The following DOCK3 variants were observed in gnomAD, a reference collection of about 807,000 sequenced individuals.
DOCK3 encodes the protein dedicator of cytokinesis protein 3.
A neutral mutation model predicts 265.6 loss-of-function variants in DOCK3; 60 were observed. That is an observed-to-expected ratio of 0.23 (90% CI 0.18 to 0.28). The LOEUF (loss-of-function observed/expected upper bound fraction) is 0.28, where lower values mean the gene tolerates loss of function less well. Among genes scored for constraint, DOCK3 ranks in the 10% least tolerant of loss-of-function variants. DOCK3 has a pLI of 1.00. For synonymous variants in DOCK3, 881 were observed against 938.0 expected (o/e 0.94, Z 1.11); for missense variants, 1,981 against 2,594.3 (o/e 0.76, Z 5.14).
intron 5 of DOCK3, among the ~76,000 whole-genome samples, chr3:51,044,193 A>G (rs2080659656): frequency 6.6e-6 from 1 of 152,200 alleles, no homozygotes; most frequent in African/African-American, 2.4e-5. Context: ...TCCATCAGTG[A>G]TAGATTGGAT....
chr3:50,834,674 A>G (rs1421517223), intron 2 of DOCK3, among the ~76,000 whole-genome samples: 1 of 152,226 alleles, frequency 6.6e-6, no homozygotes, highest in African/African-American at 2.4e-5. Flanking sequence ...CAAAGTTTTT[A>G]GACACTTCAT....
intron 27 of DOCK3, among the ~76,000 whole-genome samples, chr3:51,297,672 C>T (rs749360762): frequency 6.6e-6 from 1 of 152,068 alleles, no homozygotes; most frequent in Non-Finnish European, 1.5e-5. Flanking sequence ...GGCATGGTAG[C>T]TCATACCTGT....
chr3:50,880,687 C>G (rs575245484), intron 3 of DOCK3: 1 of 152,410 alleles, frequency 6.6e-6, no homozygotes, highest in South Asian at 2.0e-4. Flanking sequence ...CAGCTGAATT[C>G]GACCAGAAGT....
chr3:51,084,449 G>T (rs1340859302), intron 7 of DOCK3, among the ~76,000 whole-genome samples: 1 of 152,110 alleles, frequency 6.6e-6, no homozygotes, highest in African/African-American at 2.4e-5. Flanking sequence ...TGGGGTGAGG[G>T]ATTGGTGGGG....
intron 7 of DOCK3, among the ~76,000 whole-genome samples, chr3:51,076,903 T>A (rs2082076082): frequency 6.6e-6 from 1 of 152,124 alleles, no homozygotes; most frequent in African/African-American, 2.4e-5. Flanking sequence ...TAACTCATGT[T>A]AGTGAGTGGG....
At chr3:51,149,868 G>A (rs892240661) in intron 10 of DOCK3, among the ~76,000 whole-genome samples, 1 of 152,188 alleles carries the variant, frequency 6.6e-6, no homozygotes, top group Admixed American at 6.5e-5. Flanking sequence ...ATGAGTTAGG[G>A]AGGATTCCCT....
At chr3:51,214,415 GC>G (rs979507720) in intron 14 of DOCK3, among the ~76,000 whole-genome samples, 168 bp downstream of exon 14, 2 of 152,134 alleles carry the variant, frequency 1.3e-5, no homozygotes, top group African/African-American at 4.8e-5. Flanking sequence ...TGGCCCTTTG[GC>G]TCTTATAGGC....
At chr3:50,852,356 A>G (rs1174668182) in intron 3 of DOCK3, among the ~76,000 whole-genome samples, 1 of 152,120 alleles carries the variant, frequency 6.6e-6, no homozygotes, top group Admixed American at 6.6e-5. Flanking sequence ...CTTTCAATAT[A>G]TGTAGCCTGC....
At chr3:50,864,779 T>C (rs1235116450) in intron 3 of DOCK3, among the ~76,000 whole-genome samples, 1 of 152,146 alleles carries the variant, frequency 6.6e-6, no homozygotes, top group Non-Finnish European at 1.5e-5. Flanking sequence ...TTCTGAGTTC[T>C]CTATTCTGTT....
intron 1 of DOCK3, among the ~76,000 whole-genome samples, chr3:50,753,203 T>G (rs1033904761): frequency 2.0e-5 from 3 of 152,234 alleles, no homozygotes; most frequent in Non-Finnish European, 4.4e-5. Flanking sequence ...TACTTAGTGT[T>G]CCTTGTTCCC....
chr3:51,294,608 G>C (rs961601778), intron 27 of DOCK3, among the ~76,000 whole-genome samples: 10 of 151,392 alleles, frequency 6.6e-5, no homozygotes, highest in Non-Finnish European at 1.3e-4. Context: ...AACCCGGGAG[G>C]CGGAGCTTGC....
chr3:51,277,954 C>A, intron 26 of DOCK3, 200 bp downstream of exon 26: 1 of 985,364 alleles, frequency 1.0e-6, no homozygotes, highest in Admixed American at 6.1e-5. Flanking sequence ...TCCCAGGACT[C>A]TTCTTTAGGG....
At chr3:50,763,797 G>C (rs949821736) in intron 1 of DOCK3, among the ~76,000 whole-genome samples, 6 of 152,114 alleles carry the variant, frequency 3.9e-5, no homozygotes, top group African/African-American at 1.4e-4. Context: ...CTGGTTAAAT[G>C]ATTAATCAAT....
intron 10 of DOCK3, among the ~76,000 whole-genome samples, chr3:51,157,497 C>T (rs553022566): frequency 2.0e-5 from 3 of 152,302 alleles, no homozygotes; most frequent in Non-Finnish European, 4.4e-5. Flanking sequence ...CCTCCCACCT[C>T]GGCCTCCCAG....
intron 5 of DOCK3, among the ~76,000 whole-genome samples, chr3:51,038,019 T>C (rs576523974): frequency 6.6e-6 from 1 of 152,166 alleles, no homozygotes; most frequent in Non-Finnish European, 1.5e-5. Context: ...TTGTAGGGTA[T>C]GTGCCTATTT....
chr3:50,956,829 AAAATGG>A (rs1170199914), intron 5 of DOCK3, among the ~76,000 whole-genome samples: 1 of 152,180 alleles, frequency 6.6e-6, no homozygotes. Context: ...TAAAGATTTA[AAAATGG>A]AAAAGTGGAT....
chr3:50,718,484 C>G (rs1251221520), intron 1 of DOCK3, among the ~76,000 whole-genome samples: 1 of 152,016 alleles, frequency 6.6e-6, no homozygotes, highest in Non-Finnish European at 1.5e-5. Context: ...ACTTTAAACC[C>G]CTTTCATTTT....
intron 5 of DOCK3, among the ~76,000 whole-genome samples, chr3:50,955,938 T>C (rs1055608323): frequency 6.6e-6 from 1 of 152,238 alleles, no homozygotes; most frequent in African/African-American, 2.4e-5. Flanking sequence ...ATGATGGTAC[T>C]TTTGTTGAAA....
At chr3:50,915,435 T>A (rs1646943251) in intron 4 of DOCK3, among the ~76,000 whole-genome samples, 1 of 151,984 alleles carries the variant, frequency 6.6e-6, no homozygotes, top group African/African-American at 2.4e-5. Context: ...GCGAGAGCAG[T>A]CTTTCAGCAG....
Sources: allele counts gnomAD v4.1 joint callset (sites outside exome capture counted in the v4.1 genomes callset), GRCh38; gene constraint gnomAD v4.1.1; transcripts MANE v1.5; gene names NCBI Gene and HGNC (gene_info 2026-07-23, HGNC 2026-07-21).